The following WDFY3 variants were observed in gnomAD, a reference collection of about 807,000 sequenced individuals.
WDFY3 encodes WD repeat and FYVE domain-containing protein 3.
In WDFY3, 66 loss-of-function variants were observed where a neutral mutation model predicts 409.6. The ratio of observed to expected loss-of-function variants is 0.16; its 90% CI spans 0.13 to 0.20. The LOEUF is 0.20. WDFY3 is among the 10% of genes least tolerant of loss of function. The pLI, the probability that WDFY3 is intolerant of heterozygous loss-of-function variation, is 1.00. For missense variants in WDFY3, 3,031 were observed against 4,298.1 expected (o/e 0.71, Z 8.24); for synonymous variants, 1,521 against 1,537.1 (o/e 0.99, Z 0.25).
intron 30 of WDFY3, among the ~76,000 whole-genome samples, chr4:84,769,780 A>G (rs1744334454): frequency 6.6e-6 from 1 of 152,086 alleles, no homozygotes; most frequent in Non-Finnish European, 1.5e-5. Context: ...GAACAGTATG[A>G]TATTTCAATA....
In WDFY3 at chr4:84,702,356, G is replaced by A. The variant is rs1464008848; in HGVS notation, c.8593C>T (p.Leu2865=). 4 of 1,606,490 alleles carry A rather than the reference G, an allele frequency of 2.5e-6. No homozygotes were observed. Among genetic ancestry groups the A allele is most frequent in the Admixed American group, 1.7e-5 (1 of 58,660 alleles). ...ACAGTGCCATAGCTCTACGTACCTA[G>A]ATCAAAGTTGTTGGAATTGAACAGG... The part of the protein sequence containing the change: ...EFLFNSNNFD[L]GCKQNGTKLG... Residue 2865 remains leucine, a synonymous_variant, in exon 56 of 68, where the codon CTA becomes TTA. Coordinates refer to ENST00000295888, the MANE Select transcript of WDFY3 (RefSeq NM_014991.6).
intron 30 of WDFY3, 86 bp downstream of exon 30, chr4:84,772,749 G>T: frequency 2.9e-6 from 3 of 1,019,152 alleles, no homozygotes; most frequent in African/African-American, 3.3e-5. Context: ...ATAATCACAT[G>T]TAATTCAGGT....
chr4:84,764,164 T>C (rs1214205929), intron 32 of WDFY3, among the ~76,000 whole-genome samples: 1 of 152,234 alleles, frequency 6.6e-6, no homozygotes, highest in African/African-American at 2.4e-5. Flanking sequence ...TCAGGCGTTA[T>C]TACTACTGCT....
At chr4:84,962,042 T>C (rs1229755743) in intron 1 of WDFY3, among the ~76,000 whole-genome samples, 2 of 152,278 alleles carry the variant, frequency 1.3e-5, no homozygotes, top group African/African-American at 2.4e-5. Context: ...TGATCAAAAC[T>C]AGAAACAACT....
intron 44 of WDFY3, 58 bp from the exon 45 acceptor site, chr4:84,726,969 A>C (rs1397568242): frequency 4.7e-6 from 7 of 1,494,502 alleles, no homozygotes; most frequent in Admixed American, 2.3e-5. Flanking sequence ...AGAGGAACAC[A>C]AAAATAAAAT....
intron 2 of WDFY3, among the ~76,000 whole-genome samples, chr4:84,914,030 T>C (rs1768130529): frequency 6.6e-6 from 1 of 152,166 alleles, no homozygotes; most frequent in Non-Finnish European, 1.5e-5. Context: ...CTTAGTAACA[T>C]TTTCTTTTCT....
Position 84,833,688 on chromosome 4 carries a change from A to G in WDFY3, c.577-2083T>C, listed in dbSNP as rs144226026. 1.9e-3 allele frequency among the ~76,000 whole-genome samples: 290 copies of G among 149,602 alleles called. 1 individual carries two copies. The highest frequency in any genetic ancestry group is 7.3e-3 in the South Asian group (35 of 4,762). On this transcript the variant is annotated intron_variant, in intron 7 of 67. Coordinates refer to ENST00000295888, the MANE Select transcript of WDFY3 (RefSeq NM_014991.6). ...AAAGAAAAGAAAAGAAAAGAAAAGA[A>G]AAGAGAAGAGAAGAGAAGAGAACAG...
At chr4:84,902,380 C>T (rs1204262586) in intron 2 of WDFY3, among the ~76,000 whole-genome samples, 1 of 152,056 alleles carries the variant, frequency 6.6e-6, no homozygotes, top group African/African-American at 2.4e-5. Flanking sequence ...TTTTGTAAAT[C>T]CAATAAAATA....
chr4:84,832,952 A>C (rs997500974), intron 7 of WDFY3, among the ~76,000 whole-genome samples: 7 of 152,142 alleles, frequency 4.6e-5, no homozygotes, highest in African/African-American at 1.7e-4. Flanking sequence ...AAGCAAAGAT[A>C]TTTTGAAATT....
chr4:84,724,479 T>C lies in WDFY3; in HGVS notation c.7388A>G (p.Glu2463Gly). ...QDAIVESSEGEAAQQEPEHGE... is the reference protein window; with the variant it reads ...QDAIVESSEGGAAQQEPEHGE... Reference sequence around the variant, plus strand: ...ATGCTCTGGTTCTTGCTGAGCAGCTTCACCTTCTGAACTCTCCACAATGGC... The same window carrying C: ...ATGCTCTGGTTCTTGCTGAGCAGCTCCACCTTCTGAACTCTCCACAATGGC... Residue 2463 changes from glutamate (E) to glycine (G), a missense_variant, in exon 46 of 68, where the codon GAA becomes GGA. Glu to Gly is a moderately conservative substitution (Grantham distance 98). Coordinates refer to ENST00000295888, the MANE Select transcript of WDFY3 (RefSeq NM_014991.6). 1 of 1,614,054 alleles carries C rather than the reference T, an allele frequency of 6.2e-7. No homozygotes were observed. Among genetic ancestry groups the C allele is most frequent in the Non-Finnish European group, 8.5e-7 (1 of 1,179,948 alleles).
intron 5 of WDFY3, among the ~76,000 whole-genome samples, chr4:84,847,148 A>C (rs1437843394): frequency 6.6e-6 from 1 of 152,060 alleles, no homozygotes; most frequent in African/African-American, 2.4e-5. Context: ...CCTTTCCCCT[A>C]CTTTGCTTCC....
chr4:84,895,726 G>A (rs762306330), intron 3 of WDFY3, among the ~76,000 whole-genome samples: 14 of 152,200 alleles, frequency 9.2e-5, no homozygotes, highest in Non-Finnish European at 1.8e-4. Flanking sequence ...AGTGCCAGTA[G>A]AGGTAAGGGT....
At chr4:84,718,324 C>T in intron 48 of WDFY3, 98 bp downstream of exon 48, 1 of 1,338,508 alleles carries the variant, frequency 7.5e-7, no homozygotes, top group Non-Finnish European at 1.0e-6. Flanking sequence ...GATAACATTA[C>T]CTAGAACACA....
intron 2 of WDFY3, among the ~76,000 whole-genome samples, chr4:84,922,234 C>A (rs1769384313): frequency 6.6e-6 from 1 of 151,980 alleles, no homozygotes; most frequent in African/African-American, 2.4e-5. Context: ...TGATATTTTA[C>A]ACTGAGAATA....
intron 3 of WDFY3, among the ~76,000 whole-genome samples, chr4:84,863,050 A>T (rs375187022): frequency 2.0e-5 from 3 of 152,212 alleles, no homozygotes; most frequent in Admixed American, 6.5e-5. Flanking sequence ...TCCTTTTATA[A>T]GGACGAATAA....
chr4:84,880,674 C>CAT (rs61351182), intron 3 of WDFY3, among the ~76,000 whole-genome samples: 713 of 50,172 alleles, frequency 0.014, 22 homozygotes, highest in Middle Eastern at 0.025. Context: ...GGGAACCATA[C>CAT]ATATATATAT....
chr4:84,757,265 AG>A (rs1465183797), intron 32 of WDFY3, 104 bp from the exon 33 acceptor site: 1 of 1,013,894 alleles, frequency 9.9e-7, no homozygotes, highest in Admixed American at 2.1e-5. Flanking sequence ...ATTTCTATCC[AG>A]AACATTCATA....
chr4:84,940,347 C>T (rs1412889613), intron 1 of WDFY3, among the ~76,000 whole-genome samples: 4 of 151,908 alleles, frequency 2.6e-5, no homozygotes, highest in African/African-American at 9.7e-5. Flanking sequence ...AATGGGGGTA[C>T]AATACTAATT....
intron 3 of WDFY3, among the ~76,000 whole-genome samples, chr4:84,862,496 T>C (rs577781334): frequency 6.6e-6 from 1 of 152,350 alleles, no homozygotes; most frequent in South Asian, 2.1e-4. Flanking sequence ...TAACCTACTA[T>C]GTGCTGGTAT....
Sources: allele counts gnomAD v4.1 joint callset (sites outside exome capture counted in the v4.1 genomes callset), GRCh38; gene constraint gnomAD v4.1.1; transcripts MANE v1.5; gene names NCBI Gene and HGNC (gene_info 2026-07-23, HGNC 2026-07-21).